The following RFX7 variants were observed in gnomAD, a reference collection of about 807,000 sequenced individuals.
RFX7 encodes the protein regulatory factor X7, also known as DNA-binding protein RFX7.
RFX7 carries 26 observed loss-of-function variants against 111.8 expected under a neutral mutation model. That is an observed-to-expected ratio of 0.23 (90% CI 0.17 to 0.32). The LOEUF is 0.32. RFX7 is among the 10% of genes least tolerant of loss of function. The pLI is 1.00. For missense variants in RFX7, 1,573 were observed against 1,772.9 expected (o/e 0.89, Z 2.02); for synonymous variants, 624 against 624.4 (o/e 1.00, Z 0.01).
chr15:56,097,746 CAAAAA>C lies in RFX7; in HGVS notation c.1107+330_1107+334del, dbSNP rs67718449. Among the ~76,000 whole-genome samples the C allele has an allele frequency of 1.7e-3, 79 of 47,326 alleles. 1 individual carries two copies. The highest frequency in any genetic ancestry group is 7.6e-3 in the East Asian group (8 of 1,054). The allele number at this position is 47,326 out of a possible 152,430, so 31.0% of individuals were successfully genotyped here. A position where few individuals can be genotyped will look rare whatever the true frequency, so the allele number is the denominator to read the frequency against. On this transcript the variant is annotated intron_variant, in intron 9 of 9. Coordinates refer to ENST00000559447, the MANE Select transcript of RFX7 (RefSeq NM_022841.7). ...TGGGAGACAGAGCAAGACTCTGTCTCAAAAAAAAAAAAAAAAAAAAAAAAATCTTG... is the reference window on the plus strand; with the variant it reads ...TGGGAGACAGAGCAAGACTCTGTCTCAAAAAAAAAAAAAAAAAAAATCTTG...
Position 56,243,170 on chromosome 15 carries a change from C to A in RFX7, c.116G>T (p.Gly39Val). Residue 39 changes from glycine (G) to valine (V), a missense_variant, in exon 2 of 10, where the codon GGG (glycine) becomes GTG (valine). Gly to Val is a moderately radical substitution (Grantham distance 109). Around this residue, in one of 7 missense-constraint regions of RFX7, gnomAD observed 191 missense variants for 194.2 expected, o/e 0.98. Transcript: ENST00000559447. ...GTGTTGCAGCGCGCTGGCCTCTGTC[C>A]CTGGCAGCCCGGGCACAAGGGCTGG... Reference protein sequence around the residue: ...ALPALVPGLPGTEASALQHKI... With the variant: ...ALPALVPGLPVTEASALQHKI... 1 of 1,357,834 alleles carries A rather than the reference C, an allele frequency of 7.4e-7. No homozygotes were observed. The highest frequency in any genetic ancestry group is 1.5e-5 in the African/African-American group (1 of 67,358). 84.1% of individuals were successfully genotyped at this position (1,357,834 alleles called of 1,614,324 possible). A position where few individuals can be genotyped will look rare whatever the true frequency, so the allele number is the denominator to read the frequency against.
intron 3 of RFX7, among the ~76,000 whole-genome samples, chr15:56,150,440 G>A (rs530115032): frequency 6.6e-6 from 1 of 152,326 alleles, no homozygotes; most frequent in East Asian, 1.9e-4. Flanking sequence ...GTGCTCCGCT[G>A]GGTCGCAGCT....
At chr15:56,214,557 T>C (rs1342260417) in intron 2 of RFX7, among the ~76,000 whole-genome samples, 3 of 150,404 alleles carry the variant, frequency 2.0e-5, no homozygotes, top group African/African-American at 7.4e-5. Flanking sequence ...CTACTAAAAA[T>C]ACGAAAAATT....
intron 2 of RFX7, among the ~76,000 whole-genome samples, chr15:56,218,456 A>G (rs2043390306): frequency 6.6e-6 from 1 of 152,108 alleles, no homozygotes; most frequent in African/African-American, 2.4e-5. Context: ...AGTATATAGA[A>G]GAATGTATGC....
chr15:56,169,026 T>G lies in RFX7; in HGVS notation c.195+10244A>C, dbSNP rs534499942. Among the ~76,000 whole-genome samples the G allele has an allele frequency of 5.3e-5, 8 of 152,344 alleles. No homozygotes were observed. In the East Asian group the frequency reaches 1.5e-3, roughly 29 times the overall value. Reference sequence around the variant, plus strand: ...TTGTTTCATTCTATAGTTAGGATTTTCTATTATCTGCAGATAAATGCATAG... The same window carrying G: ...TTGTTTCATTCTATAGTTAGGATTTGCTATTATCTGCAGATAAATGCATAG... On this transcript the variant is annotated intron_variant, in intron 3 of 9. Transcript: ENST00000559447.
intron 5 of RFX7, among the ~76,000 whole-genome samples, chr15:56,127,289 T>C (rs1350939901): frequency 6.6e-6 from 1 of 151,758 alleles, no homozygotes; most frequent in East Asian, 2.0e-4. Context: ...AATGAAAGCA[T>C]AACATATCAA....
At chr15:56,137,975 A>G (rs2042330180) in intron 5 of RFX7, among the ~76,000 whole-genome samples, 1 of 151,804 alleles carries the variant, frequency 6.6e-6, no homozygotes, top group African/African-American at 2.4e-5. Context: ...CTGTGGTCTG[A>G]GAGACAGTTT....
intron 5 of RFX7, among the ~76,000 whole-genome samples, chr15:56,134,245 A>C (rs1325856428): frequency 1.3e-5 from 2 of 152,158 alleles, no homozygotes; most frequent in Non-Finnish European, 2.9e-5. Flanking sequence ...CTATAAAAAG[A>C]GGATAGGAAC....
chr15:56,235,608 T>C (rs545809402), intron 2 of RFX7, among the ~76,000 whole-genome samples: 12 of 152,288 alleles, frequency 7.9e-5, no homozygotes, highest in African/African-American at 2.4e-4. Context: ...CTCCCCAAGA[T>C]AGCCATTGCT....
chr15:56,204,498 T>C (rs907672250), intron 2 of RFX7, among the ~76,000 whole-genome samples: 1 of 152,336 alleles, frequency 6.6e-6, no homozygotes, highest in Middle Eastern at 3.4e-3. Flanking sequence ...AGGCTACTCC[T>C]ACAAACCCAG....
intron 2 of RFX7, among the ~76,000 whole-genome samples, chr15:56,187,426 G>C (rs2043053459): frequency 6.6e-6 from 1 of 151,938 alleles, no homozygotes; most frequent in South Asian, 2.1e-4. Context: ...GCCCAGGCTG[G>C]TCTAGAACTC....
intron 2 of RFX7, among the ~76,000 whole-genome samples, chr15:56,241,738 A>C (rs934306141): frequency 2.7e-4 from 40 of 145,598 alleles, no homozygotes; most frequent in Non-Finnish European, 4.1e-4. Context: ...ACACACACAC[A>C]CCCCAATCAT....
chr15:56,100,193 C>T (rs77138560), intron 8 of RFX7, among the ~76,000 whole-genome samples: 9,926 of 152,252 alleles, frequency 0.065, 444 homozygotes, highest in Admixed American at 0.1. Flanking sequence ...CTCCCCAAGT[C>T]TATAAATTGG....
At chr15:56,214,045 A>C (rs12595323) in intron 2 of RFX7, among the ~76,000 whole-genome samples, 2 of 152,092 alleles carry the variant, frequency 1.3e-5, no homozygotes, top group Admixed American at 6.5e-5. Flanking sequence ...CCTCTGTCTT[A>C]TATCAAGTAT....
At chr15:56,147,806 C>T (rs1348484896) in intron 3 of RFX7, among the ~76,000 whole-genome samples, 1 of 152,204 alleles carries the variant, frequency 6.6e-6, no homozygotes, top group African/African-American at 2.4e-5. Flanking sequence ...ATCTCCTGAC[C>T]TCATGATCCG....
chr15:56,175,035 A>G (rs1165266584), intron 3 of RFX7, among the ~76,000 whole-genome samples: 1 of 152,198 alleles, frequency 6.6e-6, no homozygotes, highest in Non-Finnish European at 1.5e-5. Context: ...AACTCTTTTT[A>G]TTCGTAGATA....
rs2041544022 is a variant in RFX7, at chr15:56,087,567, G to A, written c.*5778C>T. On this transcript the variant is annotated 3_prime_UTR_variant, in exon 10 of 10. Transcript: ENST00000559447. ...ACATCTCTTTGAGTACTTGGTAAGTGTCTCCACTTAACTGCAAGGGAAGTT... is the reference window on the plus strand; with the variant it reads ...ACATCTCTTTGAGTACTTGGTAAGTATCTCCACTTAACTGCAAGGGAAGTT... 4.4e-6 allele frequency: 2 copies of A among 456,562 alleles called. No homozygotes were observed. Among genetic ancestry groups the A allele is most frequent in the African/African-American group, 4.0e-5 (2 of 50,086 alleles). 28.3% of individuals were successfully genotyped at this position (456,562 alleles called of 1,614,324 possible).
intron 3 of RFX7, among the ~76,000 whole-genome samples, chr15:56,149,801 C>CT (rs1349462383): frequency 6.5e-4 from 95 of 146,216 alleles, no homozygotes; most frequent in Middle Eastern, 3.5e-3. Context: ...GATGCAGGAG[C>CT]TTTTTTTTTT....
At chr15:56,114,687 AAG>A (rs1190314199) in intron 5 of RFX7, among the ~76,000 whole-genome samples, 1 of 152,018 alleles carries the variant, frequency 6.6e-6, no homozygotes, top group African/African-American at 2.4e-5. Context: ...AAAACTAAAG[AAG>A]AGTTAAATTA....
Sources: gnomAD v4.1 joint callset for allele counts (sites outside exome capture counted in the v4.1 genomes callset) on GRCh38, gnomAD v4.1.1 for gene constraint, gnomAD v4.1.1 regional missense constraint, MANE v1.5 for transcripts, NCBI Gene and HGNC (gene_info 2026-07-23, HGNC 2026-07-21) for gene names.